The following MAP4K5 variants were observed in gnomAD, a reference collection of about 807,000 sequenced individuals.
MAP4K5 encodes the protein mitogen-activated protein kinase kinase kinase kinase 5, also known as MAPK/ERK kinase kinase kinase 5.
MAP4K5 carries 82 observed loss-of-function variants against 135.6 expected under a neutral mutation model. The ratio of observed to expected loss-of-function variants is 0.60; its 90% CI spans 0.51 to 0.73. The LOEUF (loss-of-function observed/expected upper bound fraction) is 0.73. MAP4K5 is among the 30% of genes least tolerant of loss of function. The probability of loss-of-function intolerance (pLI) is 0.00; values close to 1 mark genes in which losing one functional copy is unlikely to be tolerated. For synonymous variants in MAP4K5, 347 were observed against 335.0 expected (o/e 1.04, Z -0.39); for missense variants, 907 against 1,010.9 (o/e 0.90, Z 1.39).
At chr14:50,528,533 C>A (rs1193027554) in intron 2 of MAP4K5, among the ~76,000 whole-genome samples, 1 of 150,002 alleles carries the variant, frequency 6.7e-6, no homozygotes, top group Non-Finnish European at 1.5e-5. Context: ...GCTTGGGCAA[C>A]ACAGGAAGAC....
chr14:50,530,347 T>C (rs1768128282), intron 2 of MAP4K5, among the ~76,000 whole-genome samples: 1 of 152,182 alleles, frequency 6.6e-6, no homozygotes. Flanking sequence ...CTTTAGTTAC[T>C]ACATCTATGA....
chr14:50,457,917 C>T (rs910437621), intron 13 of MAP4K5, among the ~76,000 whole-genome samples: 1 of 152,136 alleles, frequency 6.6e-6, no homozygotes, highest in Admixed American at 6.5e-5. Flanking sequence ...TCTTTTAGTA[C>T]ACTGGGACAG....
intron 5 of MAP4K5, among the ~76,000 whole-genome samples, chr14:50,484,916 C>CAATTATAAAA (rs2037331357): frequency 6.6e-6 from 1 of 152,050 alleles, no homozygotes; most frequent in African/African-American, 2.4e-5. Flanking sequence ...AAATAAGTAG[C>CAATTATAAAA]TGCAATGGGA....
chr14:50,491,797 C>A (rs759126744), intron 3 of MAP4K5, among the ~76,000 whole-genome samples: 3 of 151,780 alleles, frequency 2.0e-5, no homozygotes, highest in Admixed American at 6.6e-5. Flanking sequence ...GCAATTCTCC[C>A]ACCTCAGCCT....
intron 31 of MAP4K5, among the ~76,000 whole-genome samples, chr14:50,425,404 T>C (rs2035823923): frequency 6.6e-6 from 1 of 152,188 alleles, no homozygotes; most frequent in African/African-American, 2.4e-5. Flanking sequence ...AAGCAAATAT[T>C]TGTAAAGTGC....
chr14:50,429,145 GCTTTATCA>G, intron 29 of MAP4K5, 39 bp downstream of exon 29: 1 of 1,000,492 alleles, frequency 1.0e-6, no homozygotes, highest in East Asian at 2.7e-5. Flanking sequence ...TAAAAAAATT[GCTTTATCA>G]AGTAGTATAC....
intron 2 of MAP4K5, among the ~76,000 whole-genome samples, chr14:50,523,705 T>C (rs2038199899): frequency 6.6e-6 from 1 of 152,228 alleles, no homozygotes; most frequent in Non-Finnish European, 1.5e-5. Flanking sequence ...GTGTTTATTA[T>C]GTTTGTTGTC....
rs575601461 is a variant in MAP4K5 at position 50,545,041 on chromosome 14, G to A, written c.-179-2457C>T. Among the ~76,000 whole-genome samples, 13 of 152,072 alleles carry A rather than the reference G, an allele frequency of 8.5e-5. No individual in the cohort carries two copies. In the East Asian group the frequency reaches 2.3e-3, roughly 27 times the overall value. On this transcript the variant is annotated intron_variant, in intron 1 of 8. Transcript: ENST00000555216. ...CCACTGCTTGAACTCGGAAGGCCAGGCTGTGAGCCAAGGCCATGATGTCCA... is the reference window on the plus strand; with the variant it reads ...CCACTGCTTGAACTCGGAAGGCCAGACTGTGAGCCAAGGCCATGATGTCCA...
chr14:50,540,946 T>C (rs1312952488), intron 2 of MAP4K5, among the ~76,000 whole-genome samples: 1 of 152,222 alleles, frequency 6.6e-6, no homozygotes, highest in Non-Finnish European at 1.5e-5. Flanking sequence ...GCTTGTGCAA[T>C]AGCCAAATTA....
At chr14:50,535,761 C>T (rs1018361687), upstream of MAP4K5, among the ~76,000 whole-genome samples, 10 of 152,130 alleles carry the variant, frequency 6.6e-5, no homozygotes, top group Admixed American at 5.2e-4. Flanking sequence ...CAGTCGATAT[C>T]CCTTTCATCC....
At chr14:50,523,809 G>C (rs1160645067) in intron 2 of MAP4K5, among the ~76,000 whole-genome samples, 1 of 152,144 alleles carries the variant, frequency 6.6e-6, no homozygotes, top group Non-Finnish European at 1.5e-5. Flanking sequence ...AACAGTGTCT[G>C]CCCCATAGGA....
chr14:50,448,159 C>T (rs2036400353), intron 15 of MAP4K5, among the ~76,000 whole-genome samples: 1 of 152,086 alleles, frequency 6.6e-6, no homozygotes, highest in South Asian at 2.1e-4. Context: ...GGTTTATAGG[C>T]ACATGCCACC....
Position 50,422,576 on chromosome 14 carries a change from A to T in MAP4K5, c.2453+545T>A, listed in dbSNP as rs375295281. On this transcript the variant is annotated intron_variant, in intron 32 of 32. Transcript: ENST00000682126. ...TTGAGCGACAGAGTGAGACCGTCTTAAAAAAAAAAAGAAAAAAAGAAGTAG... is the reference window on the plus strand; with the variant it reads ...TTGAGCGACAGAGTGAGACCGTCTTTAAAAAAAAAAGAAAAAAAGAAGTAG... 7.5e-5 allele frequency among the ~76,000 whole-genome samples: 11 copies of T among 146,268 alleles called. No individual in the cohort carries two copies. The East Asian group carries it at 7.9e-4, about 11-fold the overall frequency.
At chr14:50,540,541 A>G (rs369012315) in intron 2 of MAP4K5, among the ~76,000 whole-genome samples, 1 of 152,152 alleles carries the variant, frequency 6.6e-6, no homozygotes, top group African/African-American at 2.4e-5. Flanking sequence ...TACCAGGGTG[A>G]TTGTGAGCTA....
At chr14:50,557,822 C>T (rs959086451) in intron 1 of MAP4K5, among the ~76,000 whole-genome samples, 8 of 152,114 alleles carry the variant, frequency 5.3e-5, no homozygotes, top group South Asian at 4.1e-4. Flanking sequence ...CACCTTTTCT[C>T]GTTAAAAGGA....
intron 2 of MAP4K5, among the ~76,000 whole-genome samples, chr14:50,519,776 C>G (rs1462290154): frequency 6.6e-6 from 1 of 152,016 alleles, no homozygotes; most frequent in South Asian, 2.1e-4. Flanking sequence ...AAGAGAGAGA[C>G]AAACATATAG....
chr14:50,544,674 T>A (rs1039205301), intron 1 of MAP4K5, among the ~76,000 whole-genome samples: 8 of 151,998 alleles, frequency 5.3e-5, no homozygotes, highest in Non-Finnish European at 1.0e-4. Flanking sequence ...TGGCTCACAC[T>A]TGTAATCTCA....
intron 3 of MAP4K5, 21 bp downstream of exon 3, chr14:50,504,779 C>T: frequency 2.0e-6 from 3 of 1,513,266 alleles, no homozygotes; most frequent in Non-Finnish European, 2.7e-6. Context: ...CAAAAATTGT[C>T]TTGAGGGTTT....
chr14:50,421,249 A>AT (rs1425096884), intron 32 of MAP4K5, among the ~76,000 whole-genome samples: 2 of 151,880 alleles, frequency 1.3e-5, no homozygotes, highest in Non-Finnish European at 2.9e-5. Flanking sequence ...CAACAAAATA[A>AT]TTTTTTTATT....
Sources: allele counts gnomAD v4.1 joint callset (sites outside exome capture counted in the v4.1 genomes callset), GRCh38; gene constraint gnomAD v4.1.1; transcripts MANE v1.5; gene names NCBI Gene and HGNC (gene_info 2026-07-23, HGNC 2026-07-21).